SLC46A3: variants seen among roughly 807,000 people sequenced by gnomAD.
The protein encoded by SLC46A3 is lysosomal proton-coupled steroid conjugate and bile acid symporter SLC46A3.
SLC46A3 carries 26 observed loss-of-function variants against 38.5 expected under a neutral mutation model. The ratio of observed to expected loss-of-function variants is 0.68; its 90% CI spans 0.49 to 0.94. SLC46A3 has a LOEUF of 0.94. Among genes scored for constraint, SLC46A3 ranks in the 40% least tolerant of loss-of-function variants. SLC46A3 has a pLI of 0.00. For synonymous variants in SLC46A3, 185 were observed against 192.5 expected (o/e 0.96, Z 0.32); for missense variants, 510 against 544.3 (o/e 0.94, Z 0.63).
intron 4 of SLC46A3, among the ~76,000 whole-genome samples, chr13:28,707,069 T>G (rs1057441618): frequency 6.6e-6 from 1 of 152,158 alleles, no homozygotes; most frequent in Non-Finnish European, 1.5e-5. Context: ...CAAAGGATTA[T>G]AAAACATGCT....
intron 5 of SLC46A3, among the ~76,000 whole-genome samples, chr13:28,702,381 T>C (rs551227738): frequency 6.6e-6 from 1 of 152,354 alleles, no homozygotes; most frequent in African/African-American, 2.4e-5. Flanking sequence ...CTTAAAATTT[T>C]TTTGCTGTAA....
At chr13:28,714,559 G>C (rs74759381) in intron 2 of SLC46A3, among the ~76,000 whole-genome samples, 6 of 152,198 alleles carry the variant, frequency 3.9e-5, no homozygotes, top group African/African-American at 1.4e-4. Flanking sequence ...GACCAGCCTG[G>C]CCAACATGGC....
chr13:28,703,332 CA>C (rs1221241068), intron 5 of SLC46A3, among the ~76,000 whole-genome samples: 2 of 152,190 alleles, frequency 1.3e-5, no homozygotes, highest in Non-Finnish European at 2.9e-5. Context: ...AATCTCATTA[CA>C]GCAATCTTTG....
intron 4 of SLC46A3, 104 bp downstream of exon 4, chr13:28,710,656 A>T: frequency 1.1e-6 from 1 of 890,138 alleles, no homozygotes; most frequent in Non-Finnish European, 1.8e-6. Context: ...AGATCCGTGC[A>T]TAAAAAGGGC....
Position 28,713,161 on chromosome 13 carries a change from C to T in SLC46A3, c.579G>A (p.Glu193=). Residue 193 remains glutamate (E), a synonymous_variant, in exon 3 of 6, where the codon GAG becomes GAA. Transcript: ENST00000266943. ...TGLSSGYFIR[E]LGFEWSFLII... is the part of the protein sequence containing the mutation. ...TTAGAAACGACCACTCAAAACCTAG[C>T]TCTCTAATAAAATAGCCAGATGACA... The T allele has an allele frequency of 2.5e-6, 4 of 1,614,026 alleles. No individual in the cohort carries two copies. The highest frequency in any genetic ancestry group is 3.4e-6 in the Non-Finnish European group (4 of 1,179,990).
At chr13:28,703,878 G>A (rs1300935699) in intron 5 of SLC46A3, 65 bp downstream of exon 5, 55 of 1,436,134 alleles carry the variant, frequency 3.8e-5, no homozygotes, top group Non-Finnish European at 5.0e-5. Flanking sequence ...TAATTTACTG[G>A]TGAGGTTAGG....
chr13:28,717,720 C>G lies in SLC46A3; in HGVS notation c.189+90G>C, dbSNP rs1345433952. 3.8e-6 allele frequency: 5 copies of G among 1,310,054 alleles called. No individual in the cohort carries two copies. In the African/African-American group the frequency reaches 4.4e-5, roughly 12 times the overall value. 81.2% of individuals were successfully genotyped at this position (1,310,054 alleles called of 1,614,324 possible). Reference sequence around the variant, plus strand: ...ACTTTGATGGCCGCCCTAGAGAGACCAATGGATGATGAGTTCACGGTCCTC... The same window carrying G: ...ACTTTGATGGCCGCCCTAGAGAGACGAATGGATGATGAGTTCACGGTCCTC... On this transcript the variant is annotated intron_variant, in intron 2 of 5. Transcript: ENST00000266943.
At chr13:28,717,385 T>A (rs553370676) in intron 2 of SLC46A3, among the ~76,000 whole-genome samples, 2 of 151,784 alleles carry the variant, frequency 1.3e-5, no homozygotes, top group South Asian at 4.2e-4. Flanking sequence ...AGTAAAAGGA[T>A]TGGGGAAGAA....
At chr13:28,703,578 AG>A (rs1396902027) in intron 5 of SLC46A3, 1 of 153,848 alleles carries the variant, frequency 6.5e-6, no homozygotes, top group East Asian at 1.9e-4. Context: ...TATGTTGTCC[AG>A]GCTGGTCTCA....
Position 28,713,269 on chromosome 13 carries a change from A to T in SLC46A3, c.471T>A (p.Asp157Glu), listed in dbSNP as rs1885423538. Residue 157 changes from aspartate (D) to glutamate (E), a missense_variant, in exon 3 of 6, where the codon GAT becomes GAA. Coordinates refer to ENST00000266943, the MANE Select transcript of SLC46A3 (RefSeq NM_181785.4). ...TTTTTTGTTTGTGTTCTTTACACTGATCAACTATATAGGCAAAGCAAGCTC... is the reference window on the plus strand; with the variant it reads ...TTTTTTGTTTGTGTTCTTTACACTGTTCAACTATATAGGCAAAGCAAGCTC... ...FWGACFAYIVDQCKEHKQKTI... is the reference protein window; with the variant it reads ...FWGACFAYIVEQCKEHKQKTI... 2 of 1,613,996 alleles carry T rather than the reference A, an allele frequency of 1.2e-6. No individual in the cohort carries two copies. The highest frequency in any genetic ancestry group is 1.7e-6 in the Non-Finnish European group (2 of 1,180,030).
chr13:28,713,864 T>C (rs1013371138), intron 2 of SLC46A3, among the ~76,000 whole-genome samples: 9 of 152,258 alleles, frequency 5.9e-5, no homozygotes, highest in Admixed American at 5.9e-4. Flanking sequence ...AATTCATTTA[T>C]GTTTCATATA....
chr13:28,706,875 G>T (rs1032072321), intron 4 of SLC46A3, among the ~76,000 whole-genome samples: 3 of 152,192 alleles, frequency 2.0e-5, no homozygotes, highest in Admixed American at 6.5e-5. Context: ...AGTTAGAATG[G>T]CGATCATTAA....
intron 4 of SLC46A3, among the ~76,000 whole-genome samples, chr13:28,708,161 A>G (rs1885230700): frequency 6.6e-6 from 1 of 152,190 alleles, no homozygotes; most frequent in African/African-American, 2.4e-5. Context: ...ATGTGGACAT[A>G]TGCTTTCACT....
At chr13:28,715,246 A>T (rs1885494779) in intron 2 of SLC46A3, among the ~76,000 whole-genome samples, 1 of 152,220 alleles carries the variant, frequency 6.6e-6, no homozygotes, top group South Asian at 2.1e-4. Flanking sequence ...ATATTAATCC[A>T]ATTAAGAAAC....
chr13:28,715,773 A>C (rs1885510994), intron 2 of SLC46A3, among the ~76,000 whole-genome samples: 2 of 152,224 alleles, frequency 1.3e-5, no homozygotes, highest in African/African-American at 4.8e-5. Context: ...GCCTGATCTG[A>C]TCACTATACA....
rs184738565 is a variant in SLC46A3 at position 28,710,798 on chromosome 13, C to T, written c.1106G>A (p.Arg369Gln). Reference protein sequence around the residue: ...LFTIVPFSVLRSMLSKVVRST... With the variant: ...LFTIVPFSVLQSMLSKVVRST... ...ACGAACCACTTTTGACAACATGGAC[C>T]GTAGAACAGAGAATGGCACAATAGT... The change falls in exon 4 of 6, where the codon CGG becomes CAG. Residue 369 changes from arginine (R) to glutamine (Q), a missense_variant. Coordinates refer to ENST00000266943, the MANE Select transcript of SLC46A3 (RefSeq NM_181785.4). 36 of 1,613,974 alleles carry T rather than the reference C, an allele frequency of 2.2e-5. No individual in the cohort carries two copies. The African/African-American group carries it at 2.9e-4, about 13-fold the overall frequency.
At chr13:28,702,754 GCTC>G (rs1330300689) in intron 5 of SLC46A3, among the ~76,000 whole-genome samples, 1 of 152,210 alleles carries the variant, frequency 6.6e-6, no homozygotes, top group African/African-American at 2.4e-5. Flanking sequence ...TAAGTACTGA[GCTC>G]CTACTATAAG....
chr13:28,712,622 T>C, intron 3 of SLC46A3, 58 bp downstream of exon 3: 1 of 1,470,452 alleles, frequency 6.8e-7, no homozygotes, highest in Non-Finnish European at 9.0e-7. Flanking sequence ...GTAGACTAAA[T>C]TCATTTTATA....
chr13:28,704,215 G>A lies in SLC46A3; in HGVS notation c.1145-116C>T, dbSNP rs575728801. 4.4e-5 allele frequency: 40 copies of A among 917,004 alleles called. No homozygotes were observed. In the East Asian group the frequency reaches 9.7e-4, roughly 22 times the overall value. 56.8% of individuals were successfully genotyped at this position (917,004 alleles called of 1,614,324 possible). ...TGAAAACAGTAAACATGAGGGCACTGCTGGGTGAATGAAATGAAAGTTATT... is the reference window on the plus strand; with the variant it reads ...TGAAAACAGTAAACATGAGGGCACTACTGGGTGAATGAAATGAAAGTTATT... On this transcript the variant is annotated intron_variant, in intron 4 of 5. Transcript: ENST00000266943.
Sources: gnomAD v4.1 joint callset for allele counts (sites outside exome capture counted in the v4.1 genomes callset) on GRCh38, gnomAD v4.1.1 for gene constraint, MANE v1.5 for transcripts, NCBI Gene and HGNC (gene_info 2026-07-23, HGNC 2026-07-21) for gene names.